ACSL3: variants seen among roughly 807,000 people sequenced by gnomAD.
The protein encoded by ACSL3 is fatty acid CoA ligase Acsl3.
Under a neutral mutation model 84.7 loss-of-function variants are expected in ACSL3, and 34 were observed. The ratio of observed to expected loss-of-function variants is 0.40; its 90% CI spans 0.31 to 0.53. The LOEUF (loss-of-function observed/expected upper bound fraction) is 0.53. Among genes scored for constraint, ACSL3 ranks in the 20% least tolerant of loss-of-function variants. The probability of loss-of-function intolerance (pLI) is 0.48; values close to 1 mark genes in which losing one functional copy is unlikely to be tolerated. For missense variants in ACSL3, 680 were observed against 873.1 expected, an observed-to-expected ratio of 0.78 and a Z score of 2.79; for synonymous variants, 315 against 299.4, an observed-to-expected ratio of 1.05 and a Z score of -0.54.
intron 7 of ACSL3, among the ~76,000 whole-genome samples, chr2:222,919,897 A>G (rs1696686337): frequency 6.6e-6 from 1 of 152,216 alleles, no homozygotes; most frequent in African/African-American, 2.4e-5. Context: ...TACTCGAGTT[A>G]TGTTTGGACT....
At chr2:222,911,681 A>G (rs1696443596) in intron 4 of ACSL3, among the ~76,000 whole-genome samples, 1 of 152,234 alleles carries the variant, frequency 6.6e-6, no homozygotes. Context: ...TTGTGTAAAA[A>G]GAAGAAAAGC....
chr2:222,907,605 A>T (rs1221362846), intron 3 of ACSL3, among the ~76,000 whole-genome samples: 2 of 152,070 alleles, frequency 1.3e-5, no homozygotes, highest in Non-Finnish European at 2.9e-5. Flanking sequence ...TACAAAAAAA[A>T]TTTTGAAAAA....
At chr2:222,913,719 T>C (rs192087566) in intron 4 of ACSL3, among the ~76,000 whole-genome samples, 86 of 152,364 alleles carry the variant, frequency 5.6e-4, no homozygotes, top group African/African-American at 2.0e-3. Flanking sequence ...AGTTGAAGCA[T>C]TGTGATTTTA....
chr2:222,901,943 CAA>C (rs765995360), intron 3 of ACSL3, among the ~76,000 whole-genome samples: 3 of 12,390 alleles, frequency 2.4e-4, no homozygotes, highest in Non-Finnish European at 3.6e-4. Flanking sequence ...GACTCGGTCT[CAA>C]AAAAAAAAAA....
chr2:222,929,899 T>G (rs1172692767), intron 13 of ACSL3, among the ~76,000 whole-genome samples: 2 of 150,032 alleles, frequency 1.3e-5, no homozygotes, highest in Non-Finnish European at 3.0e-5. Flanking sequence ...TCTATAAGAA[T>G]AAATCTTAAT....
chr2:222,905,403 C>T (rs1049541232), intron 3 of ACSL3, among the ~76,000 whole-genome samples: 17 of 152,188 alleles, frequency 1.1e-4, no homozygotes, highest in African/African-American at 1.7e-4. Flanking sequence ...TCAAGCAATC[C>T]GCCTGCCTTG....
At position 222,908,975 on chromosome 2, in the gene ACSL3, A is replaced by T; in HGVS notation, c.203A>T (p.Tyr68Phe). 1 of 1,609,906 alleles carries T rather than the reference A, an allele frequency of 6.2e-7. No homozygotes were observed. The highest frequency in any genetic ancestry group is 8.5e-7 in the Non-Finnish European group (1 of 1,176,464). ...KPVNSKPDSA[Y>F]RSVNSLDGLA... Reference sequence around the variant, plus strand: ...GTAAATTCAAAACCTGATTCTGCATACAGATCTGTTAATAGTTTGGATGGT... The same window carrying T: ...GTAAATTCAAAACCTGATTCTGCATTCAGATCTGTTAATAGTTTGGATGGT... Residue 68 changes from tyrosine to phenylalanine, a missense_variant, in exon 4 of 17, where the codon TAC becomes TTC. Transcript: ENST00000357430.
chr2:222,915,060 A>T (rs1696541227), intron 4 of ACSL3, among the ~76,000 whole-genome samples: 1 of 151,578 alleles, frequency 6.6e-6, no homozygotes, highest in Non-Finnish European at 1.5e-5. Flanking sequence ...CCTGTCACTT[A>T]CATATTAGAA....
intron 1 of ACSL3, among the ~76,000 whole-genome samples, chr2:222,878,147 C>G (rs909964855): frequency 2.0e-5 from 3 of 152,154 alleles, no homozygotes; most frequent in Non-Finnish European, 4.4e-5. Flanking sequence ...CAGTAATGGA[C>G]ATGAGATACT....
At chr2:222,916,595 C>T in intron 5 of ACSL3, 99 bp downstream of exon 5, 1 of 1,298,070 alleles carries the variant, frequency 7.7e-7, no homozygotes, top group Non-Finnish European at 1.0e-6. Flanking sequence ...TAATTTTCAC[C>T]CAGTGTCCAG....
intron 1 of ACSL3, among the ~76,000 whole-genome samples, chr2:222,882,223 C>A (rs969927237): frequency 6.6e-6 from 1 of 152,076 alleles, no homozygotes; most frequent in African/African-American, 2.4e-5. Context: ...TTTTCTAAGT[C>A]CTTGAAAGTC....
At chr2:222,916,704 T>G (rs1442784108) in intron 5 of ACSL3, 1 of 429,124 alleles carries the variant, frequency 2.3e-6, no homozygotes, top group Non-Finnish European at 4.0e-6. Flanking sequence ...CAGTGAGGCT[T>G]GAACCTCTTC....
intron 16 of ACSL3, among the ~76,000 whole-genome samples, chr2:222,936,859 AAGAG>A (rs959061099): frequency 1.6e-4 from 24 of 151,366 alleles, no homozygotes; most frequent in African/African-American, 4.1e-4. Context: ...AGAGCAAATG[AAGAG>A]AGAGAGAGAG....
intron 1 of ACSL3, among the ~76,000 whole-genome samples, chr2:222,886,470 TAATG>T (rs1695724768): frequency 6.6e-6 from 1 of 152,216 alleles, no homozygotes; most frequent in Admixed American, 6.5e-5. Flanking sequence ...AATTAAAAGT[TAATG>T]AAGCAGTGGT....
intron 12 of ACSL3, among the ~76,000 whole-genome samples, chr2:222,927,687 C>T (rs2106135507): frequency 6.6e-6 from 1 of 152,264 alleles, no homozygotes; most frequent in Non-Finnish European, 1.5e-5. Flanking sequence ...AGGAGATCTA[C>T]CAACTAATCA....
In ACSL3 at chr2:222,943,992, T is replaced by C. The variant is rs1158637494; in HGVS notation, c.*2338T>C. On this transcript the variant is annotated 3_prime_UTR_variant, in exon 17 of 17. Coordinates refer to ENST00000357430, the MANE Select transcript of ACSL3 (RefSeq NM_004457.5). ...TAAACTAAGCTCTATGAAGAATTCGTAAGCATTACATGTTCCAGTAAGTTT... is the reference window on the plus strand; with the variant it reads ...TAAACTAAGCTCTATGAAGAATTCGCAAGCATTACATGTTCCAGTAAGTTT... 6.6e-6 allele frequency: 1 copy of C among 152,182 alleles called. No homozygotes were observed. The highest frequency in any genetic ancestry group is 2.4e-5 in the African/African-American group (1 of 41,464). The allele number at this position is 152,182 out of a possible 1,614,324, so 9.4% of individuals were successfully genotyped here. A position where few individuals can be genotyped will look rare whatever the true frequency, so the allele number is the denominator to read the frequency against.
chr2:222,925,458 T>G (rs1696854365), intron 11 of ACSL3, among the ~76,000 whole-genome samples: 1 of 151,688 alleles, frequency 6.6e-6, no homozygotes, highest in Non-Finnish European at 1.5e-5. Flanking sequence ...CTGGGCATGG[T>G]GTCATATATC....
At chr2:222,905,583 T>C (rs755990977) in intron 3 of ACSL3, among the ~76,000 whole-genome samples, 1 of 152,264 alleles carries the variant, frequency 6.6e-6, no homozygotes, top group Non-Finnish European at 1.5e-5. Flanking sequence ...TCTGATGTTC[T>C]AGGTGTAGCA....
intron 1 of ACSL3, among the ~76,000 whole-genome samples, chr2:222,873,194 C>A (rs1012850570): frequency 6.6e-6 from 1 of 151,972 alleles, no homozygotes; most frequent in African/African-American, 2.4e-5. Context: ...TACAGTTTAC[C>A]AAAATTATCT....
Sources: gnomAD v4.1 joint callset for allele counts (sites outside exome capture counted in the v4.1 genomes callset) on GRCh38, gnomAD v4.1.1 for gene constraint, MANE v1.5 for transcripts, NCBI Gene and HGNC (gene_info 2026-07-23, HGNC 2026-07-21) for gene names.